STUB1: variants seen among roughly 807,000 people sequenced by gnomAD.
STUB1 encodes the protein STIP1 homology and U-box containing protein 1.
STUB1 carries 37 observed loss-of-function variants against 40.3 expected under a neutral mutation model. That is an observed-to-expected ratio of 0.92 (90% CI 0.71 to 1.21). The LOEUF is 1.21. Ranked by LOEUF, STUB1 falls within the 50% of genes most tolerant of loss-of-function variation. STUB1 has a pLI of 0.00. For synonymous variants in STUB1, 246 were observed against 171.9 expected (o/e 1.43, Z -3.37); for missense variants, 460 against 421.9 (o/e 1.09, Z -0.79).
In STUB1 at chr16:682,687, G is replaced by A; in HGVS notation, c.*198G>A. On this transcript the variant is annotated 3_prime_UTR_variant, in exon 7 of 7. Transcript: ENST00000219548. ...CTTTGTGGGCTGGAAAAGCAGGTGA[G>A]GGTGGGCTGGGCTGAGGCCATTGCC... is the stretch of plus-strand genomic sequence containing the variant. 15 of 1,438,462 alleles carry A rather than the reference G, an allele frequency of 1.0e-5. No individual in the cohort carries two copies. The highest frequency in any genetic ancestry group is 1.3e-5 in the Non-Finnish European group (14 of 1,049,922). The allele number at this position is 1,438,462 out of a possible 1,614,324, so 89.1% of individuals were successfully genotyped here.
rs2039635944 is a variant in STUB1, at chr16:680,722, ACCGGGGAGGGCCGGGCCCGGGC to A, written c.159+43_159+64del. 9.5e-7 allele frequency: 1 copy of A among 1,056,020 alleles called. No homozygotes were observed. Among genetic ancestry groups the A allele is most frequent in the East Asian group, 5.8e-5 (1 of 17,356 alleles). 65.4% of individuals were successfully genotyped at this position (1,056,020 alleles called of 1,614,324 possible). A position where few individuals can be genotyped will look rare whatever the true frequency, so the allele number is the denominator to read the frequency against. ...GCGCGGGGAGGGCGGCGGCGGTGGC[ACCGGGGAGGGCCGGGCCCGGGC>A]CCGGCCGGCCCCACCGAGGGTCTGG... is the stretch of plus-strand genomic sequence containing the variant. On this transcript the variant is annotated intron_variant, in intron 1 of 6. Transcript: ENST00000219548. The surrounding 1 kb of genome is among the most constrained non-coding windows in gnomAD (Gnocchi z 4.9).
chr16:680,445 G>C lies in STUB1; in HGVS notation c.-81G>C, dbSNP rs2039630847. On this transcript the variant is annotated 5_prime_UTR_variant, in exon 1 of 7. Coordinates refer to ENST00000219548, the MANE Select transcript of STUB1 (RefSeq NM_005861.4). This position sits in a 1 kb window ranked among gnomAD's most constrained non-coding sequence, Gnocchi z 4.9. ...CGGGCCCGAGCGGATCGCGGGCTCG[G>C]GCTGCGGGGCTCCGGCTGCGGGCGC... 1 of 1,139,764 alleles carries C rather than the reference G, an allele frequency of 8.8e-7. No individual in the cohort carries two copies. The highest frequency in any genetic ancestry group is 4.8e-5 in the Admixed American group (1 of 21,000). 70.6% of individuals were successfully genotyped at this position (1,139,764 alleles called of 1,614,324 possible).
Position 681,169 on chromosome 16 carries a change from G to A in STUB1, c.177G>A (p.Val59=), listed in dbSNP as rs1189606240. Reference sequence around the variant, plus strand: ...GTCCCTAGACCCGGAACCCGCTGGTGGCCGTGTATTACACCAACCGGGCCT... The same window carrying A: ...GTCCCTAGACCCGGAACCCGCTGGTAGCCGTGTATTACACCAACCGGGCCT... ...YGRAITRNPL[V]AVYYTNRALC... is the part of the protein sequence containing the mutation. Residue 59 remains valine (V), a synonymous_variant, in exon 2 of 7, where the codon GTG becomes GTA. Coordinates refer to ENST00000219548, the MANE Select transcript of STUB1 (RefSeq NM_005861.4). The A allele has an allele frequency of 6.4e-7, 1 of 1,569,988 alleles. No homozygotes were observed.
chr16:681,988 C>CT (rs1596551281), intron 4 of STUB1, 32 bp from the exon 5 acceptor site: 1 of 1,612,170 alleles, frequency 6.2e-7, no homozygotes, highest in Non-Finnish European at 8.5e-7. Context: ...GGTGGGGTGT[C>CT]TCCCCCAAGC....
Position 682,593 on chromosome 16 carries a change from A to T in STUB1, c.*104A>T. 6.5e-7 allele frequency: 1 copy of T among 1,528,428 alleles called. No homozygotes were observed. The allele number at this position is 1,528,428 out of a possible 1,614,324, so 94.7% of individuals were successfully genotyped here. A position where few individuals can be genotyped will look rare whatever the true frequency, so the allele number is the denominator to read the frequency against. ...CCTGGCCACCCCGACCGCTTCCCCC[A>T]AGTTCTGCTGTTGGACTCTGGACTG... is the stretch of plus-strand genomic sequence containing the variant. On this transcript the variant is annotated 3_prime_UTR_variant, in exon 7 of 7. Transcript: ENST00000219548.
chr16:682,713 G>C lies in STUB1; in HGVS notation c.*224G>C, dbSNP rs556441107. ...GGTGGGCTGGGCTGAGGCCATTGCC[G>C]CCACTATCTGTGTAATAAAATCCGT... is the stretch of plus-strand genomic sequence containing the variant. On this transcript the variant is annotated 3_prime_UTR_variant, in exon 7 of 7. Coordinates refer to ENST00000219548, the MANE Select transcript of STUB1 (RefSeq NM_005861.4). 2.0e-6 allele frequency: 3 copies of C among 1,517,438 alleles called. No individual in the cohort carries two copies. The highest frequency in any genetic ancestry group is 2.7e-5 in the African/African-American group (2 of 73,214). The allele number at this position is 1,517,438 out of a possible 1,614,324, so 94.0% of individuals were successfully genotyped here.
rs1329875028 is a variant in STUB1 at position 680,760 on chromosome 16, G to C, written c.159+76G>C. 4 of 1,143,424 alleles carry C rather than the reference G, an allele frequency of 3.5e-6. No homozygotes were observed. The highest frequency in any genetic ancestry group is 4.3e-6 in the Non-Finnish European group (4 of 922,386). The allele number at this position is 1,143,424 out of a possible 1,614,324, so 70.8% of individuals were successfully genotyped here. A position where few individuals can be genotyped will look rare whatever the true frequency, so the allele number is the denominator to read the frequency against. On this transcript the variant is annotated intron_variant, in intron 1 of 6. Coordinates refer to ENST00000219548, the MANE Select transcript of STUB1 (RefSeq NM_005861.4). The surrounding 1 kb of genome is among the most constrained non-coding windows in gnomAD (Gnocchi z 4.9). The stretch of plus-strand genomic sequence containing the variant: ...GGGCCCGGGCCCGGCCGGCCCCACC[G>C]AGGGTCTGGCTCCTCTTCGGGGCGT...
chr16:681,475 G>T lies in STUB1; in HGVS notation c.396G>T (p.Gly132=). Residue 132 remains glycine, a synonymous_variant, in exon 3 of 7, where the codon GGG becomes GGT. Coordinates refer to ENST00000219548, the MANE Select transcript of STUB1 (RefSeq NM_005861.4). The part of the protein sequence containing the change: ...SLAKEQRLNF[G]DDIPSALRIA... ...CCAAGGAGCAGCGGCTGAACTTCGG[G>T]GACGACATCCCCAGCGCTCTTCGAA... The T allele has an allele frequency of 6.2e-7, 1 of 1,612,668 alleles. No individual in the cohort carries two copies. Among genetic ancestry groups the T allele is most frequent in the African/African-American group, 1.3e-5 (1 of 75,068 alleles).
At position 681,548 on chromosome 16, in the gene STUB1, C is replaced by A; in HGVS notation, c.469C>A (p.Gln157Lys). 1 of 1,611,880 alleles carries A rather than the reference C, an allele frequency of 6.2e-7. No individual in the cohort carries two copies. Among genetic ancestry groups the A allele is most frequent in the South Asian group, 1.1e-5 (1 of 90,990 alleles). ...CAGCATTGAGGAGCGGCGCATCCAC[C>A]AGGAGAGCGAGCTGCACTCCTACCT... ...WNSIEERRIH[Q>K]ESELHSYLSR... Residue 157 changes from glutamine (Q) to lysine (K), a missense_variant, in exon 3 of 7, where the codon CAG becomes AAG. Coordinates refer to ENST00000219548, the MANE Select transcript of STUB1 (RefSeq NM_005861.4).
rs199505183 is a variant in STUB1, at chr16:681,774, G to A, written c.525-19G>A. On this transcript the variant is annotated intron_variant, in intron 3 of 6. Transcript: ENST00000219548. ...ATCTGGCCAGGTCCATCTCTGACCG[G>A]CTCCTGGTCAACCCCCAGGGAGCTG... 8.8e-6 allele frequency: 14 copies of A among 1,582,308 alleles called. No individual in the cohort carries two copies. In the East Asian group the frequency reaches 2.5e-4, roughly 28 times the overall value.
rs769735565 is a variant in STUB1 at position 681,832 on chromosome 16, G to A, written c.564G>A (p.Glu188=). The A allele has an allele frequency of 6.2e-7, 1 of 1,610,208 alleles. No individual in the cohort carries two copies. Among genetic ancestry groups the A allele is most frequent in the Non-Finnish European group, 8.5e-7 (1 of 1,178,060 alleles). The change falls in exon 4 of 7, where the codon GAG becomes GAA. Residue 188 remains glutamate (E), a synonymous_variant. Transcript: ENST00000219548. ...EECQRNHEGD[E]DDSHVRAQQA... Reference sequence around the variant, plus strand: ...GCCAGCGAAACCACGAGGGTGATGAGGACGACAGCCACGTCCGGGCCCAGC... The same window carrying A: ...GCCAGCGAAACCACGAGGGTGATGAAGACGACAGCCACGTCCGGGCCCAGC...
At chr16:681,109 T>G in intron 1 of STUB1, 43 bp from the exon 2 acceptor site, 2 of 1,525,320 alleles carry the variant, frequency 1.3e-6, no homozygotes, top group Non-Finnish European at 1.8e-6. Context: ...GTGGGCACGC[T>G]GAGCCTACGC....
chr16:681,023 G>A, intron 1 of STUB1, 129 bp from the exon 2 acceptor site: 2 of 952,218 alleles, frequency 2.1e-6, no homozygotes, highest in Non-Finnish European at 3.1e-6. Flanking sequence ...CTTGGACCCA[G>A]GGGCTTTGAC....
intron 6 of STUB1, 23 bp from the exon 7 acceptor site, chr16:682,341 C>T (rs760023168): frequency 6.2e-7 from 1 of 1,613,062 alleles, no homozygotes; most frequent in South Asian, 1.1e-5. Context: ...CATGACTGCC[C>T]TCTGCCCTTC....
intron 1 of STUB1, 77 bp from the exon 2 acceptor site, chr16:681,075 A>G (rs2039642415): frequency 3.5e-6 from 5 of 1,420,780 alleles, no homozygotes; most frequent in Non-Finnish European, 4.8e-6. Flanking sequence ...AGAGCGCAGA[A>G]GCTGGGACGG....
intron 3 of STUB1, 22 bp from the exon 4 acceptor site, chr16:681,771 C>G (rs1046112): frequency 1.9e-6 from 3 of 1,579,434 alleles, no homozygotes; most frequent in Non-Finnish European, 2.6e-6. Context: ...CCATCTCTGA[C>G]CGGCTCCTGG....
In STUB1 at chr16:682,644, T is replaced by C; in HGVS notation, c.*155T>C. 7.0e-7 allele frequency: 1 copy of C among 1,420,734 alleles called. No individual in the cohort carries two copies. The highest frequency in any genetic ancestry group is 2.4e-5 in the East Asian group (1 of 42,454). The allele number at this position is 1,420,734 out of a possible 1,614,324, so 88.0% of individuals were successfully genotyped here. On this transcript the variant is annotated 3_prime_UTR_variant, in exon 7 of 7. Coordinates refer to ENST00000219548, the MANE Select transcript of STUB1 (RefSeq NM_005861.4). ...TTTCCCCTCTCAGCATCGCTTTTGC[T>C]GGGCCGTGATCGTCCCCCTTTGTGG...
chr16:681,622 G>A lies in STUB1; in HGVS notation c.524+19G>A, dbSNP rs369488914. The A allele has an allele frequency of 4.4e-5, 71 of 1,597,290 alleles. 1 individual carries two copies. The highest frequency in any genetic ancestry group is 6.8e-5 in the Admixed American group (4 of 59,166). ...GTGAGAGGTGGGACCCTCACCCCAGGCCGCCCTGTCTTGGGATAATTCTGA... is the reference window on the plus strand; with the variant it reads ...GTGAGAGGTGGGACCCTCACCCCAGACCGCCCTGTCTTGGGATAATTCTGA... On this transcript the variant is annotated intron_variant, in intron 3 of 6. Transcript: ENST00000219548.
At chr16:681,969 G>A in intron 4 of STUB1, 51 bp from the exon 5 acceptor site, 2 of 1,612,494 alleles carry the variant, frequency 1.2e-6, no homozygotes, top group Non-Finnish European at 8.5e-7. Context: ...GTGCCCCATG[G>A]AGGAGGGAGG....
Sources: gnomAD v4.1 joint callset for allele counts on GRCh38, gnomAD v4.1.1 for gene constraint, Gnocchi (gnomAD v3.1) non-coding constraint, MANE v1.5 for transcripts, NCBI Gene and HGNC (gene_info 2026-07-23, HGNC 2026-07-21) for gene names.